WDFY2: variants seen among roughly 807,000 people sequenced by gnomAD.
WDFY2 encodes the protein WD repeat and FYVE domain containing 2, also known as WD repeat and FYVE domain-containing protein 2.
A neutral mutation model predicts 56.4 loss-of-function variants in WDFY2; 36 were observed. That is an observed-to-expected ratio of 0.64 (90% CI 0.49 to 0.84). WDFY2 has a LOEUF of 0.84. WDFY2 is among the 40% of genes least tolerant of loss of function. The probability of loss-of-function intolerance (pLI) is 0.00; values close to 1 mark genes in which losing one functional copy is unlikely to be tolerated. For missense variants in WDFY2, 444 were observed against 512.2 expected, an observed-to-expected ratio of 0.87 and a Z score of 1.29; for synonymous variants, 176 against 183.7, an observed-to-expected ratio of 0.96 and a Z score of 0.34.
intron 8 of WDFY2, 51 bp from the exon 9 acceptor site, chr13:51,755,307 A>G: frequency 1.9e-6 from 3 of 1,574,208 alleles, no homozygotes; most frequent in Non-Finnish European, 2.6e-6. Flanking sequence ...AGTGGTTTCC[A>G]TTGTCCTGAC....
At chr13:51,725,744 A>G (rs1378258942) in intron 5 of WDFY2, among the ~76,000 whole-genome samples, 3 of 149,678 alleles carry the variant, frequency 2.0e-5, no homozygotes, top group Non-Finnish European at 4.4e-5. Context: ...CCCAGGCTGG[A>G]GTGCAGCGGC....
chr13:51,611,620 G>A (rs1480294352), intron 1 of WDFY2, among the ~76,000 whole-genome samples: 1 of 152,098 alleles, frequency 6.6e-6, no homozygotes, highest in Non-Finnish European at 1.5e-5. Flanking sequence ...CTTGCTGGTC[G>A]AACCTCAATT....
At chr13:51,721,490 A>G (rs1323778375) in intron 5 of WDFY2, among the ~76,000 whole-genome samples, 2 of 152,328 alleles carry the variant, frequency 1.3e-5, no homozygotes, top group Admixed American at 1.3e-4. Context: ...ATGTAGGATT[A>G]TAACCACCAC....
Position 51,766,444 on chromosome 13 carries a change from G to T in WDFY2, c.*6675G>T, listed in dbSNP as rs1953752316. 6.6e-6 allele frequency: 1 copy of T among 152,140 alleles called. No individual in the cohort carries two copies. 9.4% of individuals were successfully genotyped at this position (152,140 alleles called of 1,614,324 possible). ...ATCTTTTTCTTTCTTTTTTTAAAGT[G>T]AGGAGATTCTTCAGGGGGTCAGGCT... On this transcript the variant is annotated 3_prime_UTR_variant, in exon 12 of 12. Coordinates refer to ENST00000298125, the MANE Select transcript of WDFY2 (RefSeq NM_052950.4).
intron 1 of WDFY2, among the ~76,000 whole-genome samples, chr13:51,645,012 C>A (rs116422860): frequency 0.011 from 1,622 of 152,278 alleles, 26 homozygotes; most frequent in African/African-American, 0.036. Context: ...TTGCTGGGAA[C>A]CTCTCAGTTT....
chr13:51,654,425 G>A (rs891875256), intron 1 of WDFY2, among the ~76,000 whole-genome samples: 3 of 152,244 alleles, frequency 2.0e-5, no homozygotes, highest in Non-Finnish European at 2.9e-5. Context: ...CTCACTGTCC[G>A]ACAATCCCCA....
intron 1 of WDFY2, among the ~76,000 whole-genome samples, chr13:51,636,283 C>G (rs1285290772): frequency 1.3e-5 from 2 of 152,216 alleles, no homozygotes; most frequent in African/African-American, 4.8e-5. Context: ...AAACACGCTT[C>G]AGACTAAAAA....
intron 7 of WDFY2, among the ~76,000 whole-genome samples, chr13:51,739,468 T>A (rs1211383757): frequency 6.6e-6 from 1 of 151,800 alleles, no homozygotes; most frequent in Non-Finnish European, 1.5e-5. Flanking sequence ...CAGTAAAAAT[T>A]TGAGAGTGAG....
At chr13:51,691,046 TG>T (rs1956145299) in intron 3 of WDFY2, among the ~76,000 whole-genome samples, 2 of 152,338 alleles carry the variant, frequency 1.3e-5, no homozygotes, top group South Asian at 2.1e-4. Flanking sequence ...TGAGGTTGGT[TG>T]TTTTTTTGTT....
chr13:51,756,718 C>G, intron 10 of WDFY2: 2 of 880,172 alleles, frequency 2.3e-6, no homozygotes, highest in Middle Eastern at 5.8e-4. Flanking sequence ...TTTAAATTAG[C>G]TGCTCCCAGA....
At chr13:51,680,427 C>G (rs150841265) in intron 3 of WDFY2, among the ~76,000 whole-genome samples, 100 of 152,216 alleles carry the variant, frequency 6.6e-4, no homozygotes, top group Non-Finnish European at 1.2e-3. Flanking sequence ...ATAAAGACAC[C>G]AGTCATTGGA....
At chr13:51,693,489 C>G (rs1307627707) in intron 3 of WDFY2, among the ~76,000 whole-genome samples, 2 of 150,714 alleles carry the variant, frequency 1.3e-5, no homozygotes, top group Admixed American at 6.6e-5. Context: ...GTAGTTGAGC[C>G]GTTTTGAGTG....
intron 3 of WDFY2, among the ~76,000 whole-genome samples, chr13:51,694,908 C>G (rs527499304): frequency 6.6e-6 from 1 of 151,578 alleles, no homozygotes; most frequent in Non-Finnish European, 1.5e-5. Flanking sequence ...TCTAAACTTC[C>G]CTTCTCACTT....
At chr13:51,628,439 G>C (rs1390721675) in intron 1 of WDFY2, among the ~76,000 whole-genome samples, 1 of 152,246 alleles carries the variant, frequency 6.6e-6, no homozygotes, top group Non-Finnish European at 1.5e-5. Context: ...GTGGGGACAG[G>C]AGGGCTTCCC....
At chr13:51,652,290 A>G (rs1402890066) in intron 1 of WDFY2, among the ~76,000 whole-genome samples, 6 of 152,188 alleles carry the variant, frequency 3.9e-5, no homozygotes, top group South Asian at 2.1e-4. Context: ...TTTTGAGCCT[A>G]TGTGTGTCTC....
At position 51,766,022 on chromosome 13, in the gene WDFY2, A is replaced by G. The variant is rs1953736936; in HGVS notation, c.*6253A>G. ...GAGAAGGTGAGCTGTCACTCACAAA[A>G]AAAGGGAAAATGATTTGAAAAATGT... On this transcript the variant is annotated 3_prime_UTR_variant, in exon 12 of 12. Coordinates refer to ENST00000298125, the MANE Select transcript of WDFY2 (RefSeq NM_052950.4). The G allele has an allele frequency of 6.6e-6, 1 of 152,176 alleles. No homozygotes were observed. The highest frequency in any genetic ancestry group is 2.4e-5 in the African/African-American group (1 of 41,442). The allele number at this position is 152,176 out of a possible 1,614,324, so 9.4% of individuals were successfully genotyped here. A position where few individuals can be genotyped will look rare whatever the true frequency, so the allele number is the denominator to read the frequency against.
intron 1 of WDFY2, among the ~76,000 whole-genome samples, chr13:51,623,943 A>G (rs1221264437): frequency 6.6e-6 from 1 of 152,156 alleles, no homozygotes; most frequent in Non-Finnish European, 1.5e-5. Context: ...CTTTTAAAAC[A>G]AAGAGGCAGA....
Position 51,623,626 on chromosome 13 carries a change from G to A in WDFY2, c.138-36970G>A, listed in dbSNP as rs1954783225. On this transcript the variant is annotated intron_variant, in intron 1 of 11. Transcript: ENST00000298125. The stretch of plus-strand genomic sequence containing the variant: ...ACAAGTAGCCTCTCAACAGATGTTT[G>A]TGGTTTAATCTTTCAGACCTCATCA... Among the ~76,000 whole-genome samples the A allele has an allele frequency of 2.0e-5, 3 of 152,230 alleles. No individual in the cohort carries two copies. In the South Asian group the frequency reaches 6.2e-4, roughly 32 times the overall value.
chr13:51,733,182 C>T (rs1952761674), intron 6 of WDFY2, among the ~76,000 whole-genome samples: 1 of 152,118 alleles, frequency 6.6e-6, no homozygotes, highest in Non-Finnish European at 1.5e-5. Context: ...ATTACAGGTG[C>T]ACGCCACCAC....
Sources: gnomAD v4.1 joint callset for allele counts (sites outside exome capture counted in the v4.1 genomes callset) on GRCh38, gnomAD v4.1.1 for gene constraint, MANE v1.5 for transcripts, NCBI Gene and HGNC (gene_info 2026-07-23, HGNC 2026-07-21) for gene names.